Variants in TBX15 observed in about 807,000 individuals in gnomAD.
TBX15 encodes the protein T-box transcription factor 15, also known as T-box transcription factor TBX15.
Under a neutral mutation model 53.9 loss-of-function variants are expected in TBX15, and 18 were observed. That is an observed-to-expected ratio of 0.33 (90% CI 0.23 to 0.49). The LOEUF (loss-of-function observed/expected upper bound fraction) is 0.49, where lower values mean the gene tolerates loss of function less well. Ranked by LOEUF, TBX15 falls within the 20% of genes least tolerant of loss-of-function variation. TBX15 has a pLI of 0.98. For missense variants in TBX15, 692 were observed against 749.5 expected, an observed-to-expected ratio of 0.92 and a Z score of 0.90; for synonymous variants, 295 against 278.0, an observed-to-expected ratio of 1.06 and a Z score of -0.61.
intron 1 of TBX15, among the ~76,000 whole-genome samples, chr1:118,958,058 A>G (rs1215022833): frequency 1.3e-5 from 2 of 152,274 alleles, no homozygotes; most frequent in Non-Finnish European, 2.9e-5. Flanking sequence ...AATATTTAAT[A>G]AAATAAAGAT....
At chr1:118,955,633 A>G (rs1358000245) in intron 1 of TBX15, among the ~76,000 whole-genome samples, 1 of 152,220 alleles carries the variant, frequency 6.6e-6, no homozygotes, top group African/African-American at 2.4e-5. Context: ...TCTCAGAGTC[A>G]TTTTACAAAG....
At chr1:118,965,923 A>G (rs1028416728) in intron 1 of TBX15, among the ~76,000 whole-genome samples, 2 of 152,204 alleles carry the variant, frequency 1.3e-5, no homozygotes, top group Non-Finnish European at 2.9e-5. Context: ...TATATCATAC[A>G]TGTATGTGGA....
At chr1:118,975,965 T>C (rs1281453941) in intron 1 of TBX15, among the ~76,000 whole-genome samples, 1 of 152,234 alleles carries the variant, frequency 6.6e-6, no homozygotes, top group Non-Finnish European at 1.5e-5. Flanking sequence ...CCTGGGCTTC[T>C]TGAAGGAGGC....
chr1:118,923,429 C>T lies in TBX15; in HGVS notation c.861+7G>A. On this transcript the variant is annotated splice_region_variant and intron_variant, in intron 5 of 7. Coordinates refer to ENST00000369429, the MANE Select transcript of TBX15 (RefSeq NM_001330677.2). ...GTAGCAGAAGACTCTCAAGGGCCAC[C>T]TCTTACCTGCTGATTCTGATAGGCC... is the stretch of plus-strand genomic sequence containing the variant. 1 of 1,613,768 alleles carries T rather than the reference C, an allele frequency of 6.2e-7. No homozygotes were observed. Among genetic ancestry groups the T allele is most frequent in the East Asian group, 2.2e-5 (1 of 44,844 alleles).
At chr1:118,982,156 T>C (rs57131440) in intron 1 of TBX15, among the ~76,000 whole-genome samples, 1,840 of 152,328 alleles carry the variant, frequency 0.012, 39 homozygotes, top group African/African-American at 0.042. Flanking sequence ...GAAAGGTATA[T>C]AGCATGCCAA....
chr1:118,886,097 G>A (rs528697776), intron 7 of TBX15, among the ~76,000 whole-genome samples: 3 of 152,280 alleles, frequency 2.0e-5, no homozygotes, highest in African/African-American at 7.2e-5. Flanking sequence ...CAGAGCAGTG[G>A]AGCCTGGGGT....
At chr1:118,901,316 A>C (rs1253756471) in intron 6 of TBX15, 1 of 456,156 alleles carries the variant, frequency 2.2e-6, no homozygotes, top group Non-Finnish European at 4.4e-6. Flanking sequence ...AAAGGCACCA[A>C]ACTTATTCTT....
intron 7 of TBX15, among the ~76,000 whole-genome samples, chr1:118,886,862 A>G (rs1166818649): frequency 1.3e-5 from 2 of 152,192 alleles, no homozygotes; most frequent in Non-Finnish European, 2.9e-5. Flanking sequence ...TTCATTTCCA[A>G]AAGTCCCTAA....
rs1173713200 is a variant in TBX15, at chr1:118,883,341, A to G, written c.*1391T>C. The G allele has an allele frequency of 6.6e-6, 1 of 152,628 alleles. No homozygotes were observed. Among genetic ancestry groups the G allele is most frequent in the Non-Finnish European group, 1.5e-5 (1 of 68,044 alleles). 9.5% of individuals were successfully genotyped at this position (152,628 alleles called of 1,614,324 possible). On this transcript the variant is annotated 3_prime_UTR_variant, in exon 8 of 8. Transcript: ENST00000369429. ...TGCACCAAGCTTCACTTGCTTTCTT[A>G]CCATTAAAAGATTTGAAGGGAAAGG... is the stretch of plus-strand genomic sequence containing the variant.
intron 4 of TBX15, among the ~76,000 whole-genome samples, 160 bp from the exon 5 acceptor site, chr1:118,923,763 C>T (rs766610703): frequency 2.6e-5 from 4 of 152,168 alleles, no homozygotes; most frequent in Admixed American, 1.3e-4. Context: ...CCAGGAAGAA[C>T]TAAGTGATTA....
At chr1:118,888,230 A>G (rs908910765) in intron 7 of TBX15, among the ~76,000 whole-genome samples, 8 of 152,298 alleles carry the variant, frequency 5.3e-5, no homozygotes, top group African/African-American at 1.9e-4. Context: ...ACCACTAGCA[A>G]TGCAGGCCAC....
At chr1:118,901,578 C>G (rs1348825108) in intron 6 of TBX15, among the ~76,000 whole-genome samples, 3 of 152,110 alleles carry the variant, frequency 2.0e-5, no homozygotes. Flanking sequence ...ACTATTTACT[C>G]ATGAATTCAA....
chr1:118,891,008 T>C, intron 7 of TBX15: 1 of 1,163,570 alleles, frequency 8.6e-7, no homozygotes, highest in Non-Finnish European at 1.1e-6. Flanking sequence ...CCCTATAGAC[T>C]GATCCCAGAG....
intron 1 of TBX15, among the ~76,000 whole-genome samples, chr1:118,935,349 G>A (rs1373165157): frequency 1.3e-5 from 2 of 152,068 alleles, no homozygotes; most frequent in Admixed American, 6.6e-5. Context: ...GTCCCTTAAA[G>A]ATCAAAAAAC....
chr1:118,976,993 T>C (rs1036582456), intron 1 of TBX15, among the ~76,000 whole-genome samples: 2 of 152,248 alleles, frequency 1.3e-5, no homozygotes, highest in Non-Finnish European at 2.9e-5. Context: ...CTAAATCTTT[T>C]GTTCCTGTAT....
intron 1 of TBX15, among the ~76,000 whole-genome samples, chr1:118,982,177 ATCCCTGTGGAAT>A (rs1161087861): frequency 6.6e-6 from 1 of 152,220 alleles, no homozygotes; most frequent in Non-Finnish European, 1.5e-5. Context: ...TCTGCCCTTT[ATCCCTGTGGAAT>A]TTGTACAGTT....
intron 2 of TBX15, among the ~76,000 whole-genome samples, chr1:118,928,246 G>A (rs1487435781): frequency 6.6e-6 from 1 of 152,124 alleles, no homozygotes; most frequent in Non-Finnish European, 1.5e-5. Context: ...AGAGATGGTG[G>A]CTAATTCTTA....
intron 6 of TBX15, 101 bp downstream of exon 6, chr1:118,914,014 T>C: frequency 8.7e-7 from 1 of 1,151,004 alleles, no homozygotes; most frequent in Non-Finnish European, 1.3e-6. Context: ...TGGCGGAGCA[T>C]ACAGGTGTTT....
chr1:118,982,931 T>C (rs1481616112), intron 1 of TBX15, among the ~76,000 whole-genome samples: 1 of 152,130 alleles, frequency 6.6e-6, no homozygotes, highest in African/African-American at 2.4e-5. Flanking sequence ...AGAAATAACG[T>C]TGAGTTGGGA....
Sources: allele counts gnomAD v4.1 joint callset (sites outside exome capture counted in the v4.1 genomes callset), GRCh38; gene constraint gnomAD v4.1.1; transcripts MANE v1.5; gene names NCBI Gene and HGNC (gene_info 2026-07-23, HGNC 2026-07-21).